PLXNA2: variants seen among roughly 807,000 people sequenced by gnomAD.
PLXNA2 encodes plexin-A2.
PLXNA2 carries 91 observed loss-of-function variants against 193.5 expected under a neutral mutation model. That is an observed-to-expected ratio of 0.47 (90% CI 0.40 to 0.56). PLXNA2 has a LOEUF of 0.56. Ranked by LOEUF, PLXNA2 falls within the 20% of genes least tolerant of loss-of-function variation. The pLI, the probability that PLXNA2 is intolerant of heterozygous loss-of-function variation, is 0.00. For missense variants in PLXNA2, 1,995 were observed against 2,503.2 expected, an observed-to-expected ratio of 0.80 and a Z score of 4.33; for synonymous variants, 997 against 1,027.3, an observed-to-expected ratio of 0.97 and a Z score of 0.56.
At chr1:208,112,143 C>T (rs1159696179) in intron 4 of PLXNA2, among the ~76,000 whole-genome samples, 2 of 152,164 alleles carry the variant, frequency 1.3e-5, no homozygotes, top group Non-Finnish European at 2.9e-5. Context: ...TTTTCAATGA[C>T]ATTTTTTTTC....
Position 208,082,905 on chromosome 1 carries a change from C to T in PLXNA2, c.2299-397G>A, listed in dbSNP as rs1397517171. ...GCTCTACTTTCCCCAGGAGTCCTCTCCCACAACCCTGCAGATCTGCCTCAA... is the reference window on the plus strand; with the variant it reads ...GCTCTACTTTCCCCAGGAGTCCTCTTCCACAACCCTGCAGATCTGCCTCAA... On this transcript the variant is annotated intron_variant, in intron 10 of 31. Coordinates refer to ENST00000367033, the MANE Select transcript of PLXNA2 (RefSeq NM_025179.4). This position sits in a 1 kb window ranked among gnomAD's most constrained non-coding sequence, Gnocchi z 4.2. Among the ~76,000 whole-genome samples the T allele has an allele frequency of 6.6e-6, 1 of 152,186 alleles. No individual in the cohort carries two copies. The highest frequency in any genetic ancestry group is 1.5e-5 in the Non-Finnish European group (1 of 68,022).
intron 3 of PLXNA2, among the ~76,000 whole-genome samples, chr1:208,151,034 G>A (rs1347770590): frequency 6.6e-6 from 1 of 152,212 alleles, no homozygotes; most frequent in Non-Finnish European, 1.5e-5. Flanking sequence ...GAGGCTGAGG[G>A]AACAAGACGA....
chr1:208,041,971 T>C, intron 22 of PLXNA2, 127 bp downstream of exon 22: 1 of 957,462 alleles, frequency 1.0e-6, no homozygotes, highest in Middle Eastern at 3.1e-4. Context: ...GGACACAGGC[T>C]GCTCTGAATG....
chr1:208,157,057 T>C (rs1668960988), intron 3 of PLXNA2, among the ~76,000 whole-genome samples: 1 of 152,250 alleles, frequency 6.6e-6, no homozygotes, highest in Non-Finnish European at 1.5e-5. Flanking sequence ...GTCAAACTCT[T>C]GTCCTGGTGT....
intron 29 of PLXNA2, chr1:208,029,577 T>A: frequency 1.0e-6 from 1 of 990,274 alleles, no homozygotes. Context: ...AGGAATGGGC[T>A]CCCCTGGGGG....
In PLXNA2 at chr1:208,224,902, G is replaced by A. The variant is rs868209161; in HGVS notation, c.-80-6900C>T. On this transcript the variant is annotated intron_variant, in intron 1 of 31. Coordinates refer to ENST00000367033, the MANE Select transcript of PLXNA2 (RefSeq NM_025179.4). Reference sequence around the variant, plus strand: ...CTGCTTATCTTCATATATGCGATTCGTTTCACAGGTGGGATAAACTACATC... The same window carrying A: ...CTGCTTATCTTCATATATGCGATTCATTTCACAGGTGGGATAAACTACATC... Among the ~76,000 whole-genome samples the A allele has an allele frequency of 7.2e-5, 11 of 152,224 alleles. No individual in the cohort carries two copies. In the South Asian group the frequency reaches 1.2e-3, roughly 17 times the overall value.
chr1:208,188,455 T>C (rs1056911264), intron 3 of PLXNA2, among the ~76,000 whole-genome samples: 4 of 152,162 alleles, frequency 2.6e-5, no homozygotes, highest in Admixed American at 6.5e-5. Flanking sequence ...ACGCCTGTAA[T>C]CCCAGCACTT....
chr1:208,210,590 G>A (rs996122741), intron 2 of PLXNA2, 128 bp from the exon 3 acceptor site: 11 of 735,640 alleles, frequency 1.5e-5, no homozygotes, highest in Non-Finnish European at 2.2e-5. Context: ...GGAGTTCAGG[G>A]GCCCTAATAC....
intron 3 of PLXNA2, among the ~76,000 whole-genome samples, chr1:208,172,107 G>A (rs1475151541): frequency 6.6e-6 from 1 of 150,498 alleles, no homozygotes; most frequent in African/African-American, 2.4e-5. Context: ...TGTCAAAATA[G>A]AGAGCTGGGG....
chr1:208,222,428 A>C (rs1671368373), intron 1 of PLXNA2, among the ~76,000 whole-genome samples: 1 of 152,214 alleles, frequency 6.6e-6, no homozygotes, highest in South Asian at 2.1e-4. Context: ...AGAGTCTCCC[A>C]GCACATGTAA....
chr1:208,182,310 A>G (rs1255979153), intron 3 of PLXNA2, among the ~76,000 whole-genome samples: 1 of 152,146 alleles, frequency 6.6e-6, no homozygotes, highest in African/African-American at 2.4e-5. Context: ...GTGCCTGCCT[A>G]TAATCCCAGC....
At chr1:208,240,923 C>T (rs1334901425) in intron 1 of PLXNA2, among the ~76,000 whole-genome samples, 1 of 152,022 alleles carries the variant, frequency 6.6e-6, no homozygotes, top group Non-Finnish European at 1.5e-5. Flanking sequence ...ACAGGAATTG[C>T]CTCCCCCACA....
intron 3 of PLXNA2, among the ~76,000 whole-genome samples, chr1:208,183,966 A>G (rs1422360547): frequency 1.3e-5 from 2 of 152,220 alleles, no homozygotes; most frequent in African/African-American, 2.4e-5. Flanking sequence ...TAAGAAATTC[A>G]GCTTTTCAGG....
chr1:208,080,209 A>G (rs1260270845), intron 11 of PLXNA2, among the ~76,000 whole-genome samples: 1 of 151,962 alleles, frequency 6.6e-6, no homozygotes, highest in Non-Finnish European at 1.5e-5. Flanking sequence ...ATTGCTGATT[A>G]AAAAAAAGGG....
At chr1:208,131,736 T>C (rs1306043519) in intron 4 of PLXNA2, among the ~76,000 whole-genome samples, 2 of 152,160 alleles carry the variant, frequency 1.3e-5, no homozygotes, top group Admixed American at 1.3e-4. Context: ...CTGCCCTCCT[T>C]GAAAAGGTTT....
At chr1:208,120,997 C>T (rs1667789921) in intron 4 of PLXNA2, among the ~76,000 whole-genome samples, 1 of 152,180 alleles carries the variant, frequency 6.6e-6, no homozygotes, top group Non-Finnish European at 1.5e-5. Context: ...GCGAAGGACA[C>T]AATATGGGAT....
intron 3 of PLXNA2, among the ~76,000 whole-genome samples, chr1:208,160,113 A>G (rs1380498014): frequency 2.0e-5 from 3 of 152,178 alleles, no homozygotes; most frequent in African/African-American, 7.2e-5. Context: ...ATGCCAGTGA[A>G]ACCCAACCCG....
intron 3 of PLXNA2, among the ~76,000 whole-genome samples, chr1:208,176,363 G>A (rs1352311735): frequency 6.6e-6 from 1 of 152,148 alleles, no homozygotes; most frequent in Non-Finnish European, 1.5e-5. Flanking sequence ...ACCTACCAGA[G>A]CAAGGAGCCA....
chr1:208,241,626 C>A (rs1264708801), intron 1 of PLXNA2, among the ~76,000 whole-genome samples: 2 of 152,228 alleles, frequency 1.3e-5, no homozygotes, highest in East Asian at 3.8e-4. Flanking sequence ...ATCTTCCCTG[C>A]ACATCGCTCC....
Sources: allele counts gnomAD v4.1 joint callset (sites outside exome capture counted in the v4.1 genomes callset), GRCh38; gene constraint gnomAD v4.1.1; non-coding constraint Gnocchi (gnomAD v3.1); transcripts MANE v1.5; gene names NCBI Gene and HGNC (gene_info 2026-07-23, HGNC 2026-07-21).